The following PCNX2 variants were observed in gnomAD, a reference collection of about 807,000 sequenced individuals.
PCNX2 encodes the protein pecanex 2.
PCNX2 carries 168 observed loss-of-function variants against 223.8 expected under a neutral mutation model. That is an observed-to-expected ratio of 0.75 (90% CI 0.66 to 0.85). The LOEUF (loss-of-function observed/expected upper bound fraction) is 0.85, where lower values mean the gene tolerates loss of function less well. Among genes scored for constraint, PCNX2 ranks in the 40% least tolerant of loss-of-function variants. The pLI is 0.00. For missense variants in PCNX2, 2,507 were observed against 2,675.5 expected, an observed-to-expected ratio of 0.94 and a Z score of 1.39; for synonymous variants, 1,006 against 1,052.6, an observed-to-expected ratio of 0.96 and a Z score of 0.86.
At chr1:233,145,010 G>A (rs1037884381) in intron 19 of PCNX2, among the ~76,000 whole-genome samples, 3 of 149,448 alleles carry the variant, frequency 2.0e-5, no homozygotes, top group Non-Finnish European at 3.0e-5. Context: ...TGTCACCCAG[G>A]CTGAAGTGCA....
intron 23 of PCNX2, among the ~76,000 whole-genome samples, chr1:233,086,376 A>G (rs2102931710): frequency 6.6e-6 from 1 of 152,298 alleles, no homozygotes; most frequent in Admixed American, 6.5e-5. Context: ...ATTCAGTTCC[A>G]GCCGGGTGCA....
At chr1:233,164,240 A>T (rs945579755) in intron 17 of PCNX2, among the ~76,000 whole-genome samples, 2 of 152,236 alleles carry the variant, frequency 1.3e-5, no homozygotes, top group Admixed American at 1.3e-4. Flanking sequence ...AATCAAAACC[A>T]CAATGATATA....
intron 21 of PCNX2, among the ~76,000 whole-genome samples, chr1:233,119,978 CCAA>C (rs1675674093): frequency 6.6e-6 from 1 of 151,526 alleles, no homozygotes; most frequent in African/African-American, 2.4e-5. Context: ...ACCAGCCTGG[CCAA>C]CATGGTGAAA....
Position 232,984,104 on chromosome 1 carries a change from T to G in PCNX2, c.*200A>C, listed in dbSNP as rs1341035723. Reference sequence around the variant, plus strand: ...ATGTGAGGTTTTTTTGTTGTTGTTGTTTGATTTTTTTTTTTTTTTTTTTTT... The same window carrying G: ...ATGTGAGGTTTTTTTGTTGTTGTTGGTTGATTTTTTTTTTTTTTTTTTTTT... On this transcript the variant is annotated 3_prime_UTR_variant, in exon 34 of 34. Coordinates refer to ENST00000258229, the MANE Select transcript of PCNX2 (RefSeq NM_014801.4). 5.1e-6 allele frequency: 2 copies of G among 394,028 alleles called. No individual in the cohort carries two copies. Among genetic ancestry groups the G allele is most frequent in the East Asian group, 4.5e-5 (1 of 22,198 alleles). The allele number at this position is 394,028 out of a possible 1,614,324, so 24.4% of individuals were successfully genotyped here.
Position 233,054,318 on chromosome 1 carries a change from T to C in PCNX2, c.4301A>G (p.Glu1434Gly), listed in dbSNP as rs1204799115. ...AAAGGTGACAAGACCATTTCCAATT[T>C]CAATCAGGTGAACAAAGGCATTGAG... is the stretch of plus-strand genomic sequence containing the variant. The part of the protein sequence containing the change: ...DDLNAFVHLI[E>G]IGNGLVTFQL... The change falls in exon 25 of 34, where the codon GAA (glutamate) becomes GGA (glycine). Residue 1434 changes from glutamate (E) to glycine (G), a missense_variant. By Grantham distance (98) the Glu-to-Gly change is moderately conservative. Around this residue, in one of 3 missense-constraint regions of PCNX2, gnomAD observed 1,372 missense variants for 1,509.4 expected, o/e 0.91. Transcript: ENST00000258229. 1 of 1,613,888 alleles carries C rather than the reference T, an allele frequency of 6.2e-7. No individual in the cohort carries two copies. The highest frequency in any genetic ancestry group is 1.1e-5 in the South Asian group (1 of 91,064).
intron 23 of PCNX2, among the ~76,000 whole-genome samples, chr1:233,076,989 T>A (rs1023338336): frequency 6.6e-6 from 1 of 152,200 alleles, no homozygotes; most frequent in African/African-American, 2.4e-5. Flanking sequence ...GATCACCTCA[T>A]TATTCTGACC....
At position 233,258,018 on chromosome 1, in the gene PCNX2, G is replaced by T; in HGVS notation, c.1834+10C>A. The T allele has an allele frequency of 6.2e-7, 1 of 1,605,938 alleles. No individual in the cohort carries two copies. The highest frequency in any genetic ancestry group is 1.1e-5 in the South Asian group (1 of 90,676). ...GTCATCATCAGAACGGAAATGACATGGAATCGCACCTCGGAGAAGCCCACT... is the reference window on the plus strand; with the variant it reads ...GTCATCATCAGAACGGAAATGACATTGAATCGCACCTCGGAGAAGCCCACT... On this transcript the variant is annotated intron_variant, in intron 5 of 33. Transcript: ENST00000258229.
In PCNX2 at chr1:232,986,386, GC is replaced by G; in HGVS notation, c.5945del (p.Gly1982AlafsTer26). The part of the protein sequence containing the change: ...SVHELAQRLS[G>X]SRLSLHASAT... ...CCGAGGCGTGCAAGGAGAGCCGGCT[GC>G]CCGAGAGCCTCTGGGCCAGCTCGTG... is the stretch of plus-strand genomic sequence containing the variant. On this transcript the variant is annotated frameshift_variant, in exon 33 of 34. Coordinates refer to ENST00000258229, the MANE Select transcript of PCNX2 (RefSeq NM_014801.4). LOFTEE classifies it high-confidence loss of function. The G allele has an allele frequency of 8.1e-6, 13 of 1,602,868 alleles. No individual in the cohort carries two copies. Among genetic ancestry groups the G allele is most frequent in the Non-Finnish European group, 1.1e-5 (13 of 1,174,508 alleles).
At chr1:233,079,246 C>A (rs1029020570) in intron 23 of PCNX2, among the ~76,000 whole-genome samples, 2 of 152,016 alleles carry the variant, frequency 1.3e-5, no homozygotes, top group Admixed American at 1.3e-4. Context: ...AAAAGGTGGC[C>A]GGGTGTGGTG....
At chr1:233,293,989 A>G in intron 1 of PCNX2, 1 of 985,262 alleles carries the variant, frequency 1.0e-6, no homozygotes, top group South Asian at 4.7e-5. Context: ...GAAGAAATAA[A>G]CTTGCATTTA....
chr1:233,085,020 T>C (rs1410622846), intron 23 of PCNX2, among the ~76,000 whole-genome samples: 1 of 152,160 alleles, frequency 6.6e-6, no homozygotes, highest in Non-Finnish European at 1.5e-5. Flanking sequence ...GACATAATAC[T>C]GTTAGACTTA....
rs1323132125 is a variant in PCNX2 at position 233,208,700 on chromosome 1, A to G, written c.2692-11T>C. On this transcript the variant is annotated splice_polypyrimidine_tract_variant and intron_variant, in intron 12 of 33. Transcript: ENST00000258229. ...GATTTGGTTGTGTCCCTAGAAAACAAACACAATTTCTGAATGGTACCTCTT... is the reference window on the plus strand; with the variant it reads ...GATTTGGTTGTGTCCCTAGAAAACAGACACAATTTCTGAATGGTACCTCTT... 3 of 1,608,160 alleles carry G rather than the reference A, an allele frequency of 1.9e-6. No homozygotes were observed. In the South Asian group the frequency reaches 3.3e-5, roughly 18 times the overall value.
At chr1:233,085,260 G>T (rs1032517576) in intron 23 of PCNX2, among the ~76,000 whole-genome samples, 1 of 151,892 alleles carries the variant, frequency 6.6e-6, no homozygotes, top group East Asian at 1.9e-4. Flanking sequence ...TTGAACTCGG[G>T]GGTGGAGGTT....
chr1:233,321,013 CTTTTTTTTTTTT>C, the PCNX2 span, among the ~76,000 whole-genome samples: 1 of 70,364 alleles, frequency 1.4e-5, no homozygotes, highest in East Asian at 4.6e-4. Context: ...AAAATGTCTT[CTTTTTTTTTTTT>C]TTTTTTTTTT....
At chr1:233,037,210 C>A (rs1204119459) in intron 25 of PCNX2, among the ~76,000 whole-genome samples, 1 of 152,194 alleles carries the variant, frequency 6.6e-6, no homozygotes, top group African/African-American at 2.4e-5. Flanking sequence ...ACCAAAACAA[C>A]GAATAGGATC....
chr1:233,004,766 T>A (rs1670220179), intron 28 of PCNX2, among the ~76,000 whole-genome samples: 1 of 152,198 alleles, frequency 6.6e-6, no homozygotes, highest in Non-Finnish European at 1.5e-5. Context: ...CAACGTGAAA[T>A]GTACCACTAT....
At chr1:233,087,420 G>A (rs1039236711) in intron 23 of PCNX2, among the ~76,000 whole-genome samples, 1 of 152,092 alleles carries the variant, frequency 6.6e-6, no homozygotes, top group African/African-American at 2.4e-5. Context: ...GGAACAACTA[G>A]TACAAAATTA....
In PCNX2 at chr1:233,258,523, CG is replaced by C; in HGVS notation, c.1338del (p.Glu447LysfsTer12). 1 of 1,613,952 alleles carries C rather than the reference CG, an allele frequency of 6.2e-7. No homozygotes were observed. Among genetic ancestry groups the C allele is most frequent in the Non-Finnish European group, 8.5e-7 (1 of 1,179,888 alleles). Reference sequence around the variant, plus strand: ...GGAGTCCTTTCACTTCCATTGCCTTCGGGACAGGGAACACCTCCTCCCCCAC... The same window carrying C: ...GGAGTCCTTTCACTTCCATTGCCTTCGGACAGGGAACACCTCCTCCCCCAC... ...PEGGGGGVPC[P>X]EGNGSERTPE... On this transcript the variant is annotated frameshift_variant, in exon 5 of 34. Transcript: ENST00000258229. LOFTEE classifies it high-confidence loss of function.
intron 15 of PCNX2, among the ~76,000 whole-genome samples, chr1:233,180,419 A>G (rs1679720513): frequency 6.6e-6 from 1 of 152,192 alleles, no homozygotes; most frequent in Non-Finnish European, 1.5e-5. Context: ...ACCAAGAAGA[A>G]AACATCTACA....
Sources: gnomAD v4.1 joint callset for allele counts (sites outside exome capture counted in the v4.1 genomes callset) on GRCh38, gnomAD v4.1.1 for gene constraint, gnomAD v4.1.1 regional missense constraint, MANE v1.5 for transcripts, NCBI Gene and HGNC (gene_info 2026-07-23, HGNC 2026-07-21) for gene names.